The following INPP4B variants were observed in gnomAD, a reference collection of about 807,000 sequenced individuals.
The protein encoded by INPP4B is inositol polyphosphate-4-phosphatase type II B.
INPP4B carries 55 observed loss-of-function variants against 122.5 expected under a neutral mutation model. The observed-to-expected ratio is 0.45, with a 90% CI of 0.36 to 0.56. The LOEUF is 0.56. Among genes scored for constraint, INPP4B ranks in the 20% least tolerant of loss-of-function variants. The pLI is 0.00. For synonymous variants in INPP4B, 403 were observed against 388.7 expected (o/e 1.04, Z -0.43); for missense variants, 1,000 against 1,097.7 (o/e 0.91, Z 1.26).
chr4:142,759,592 C>A (rs78575771), intron 1 of INPP4B, among the ~76,000 whole-genome samples: 1 of 151,960 alleles, frequency 6.6e-6, no homozygotes, highest in African/African-American at 2.4e-5. Context: ...TGCCTAATAA[C>A]AATTTTTGTA....
intron 10 of INPP4B, 149 bp downstream of exon 10, chr4:142,270,514 C>T (rs148233913): frequency 1.6e-6 from 1 of 635,818 alleles, no homozygotes; most frequent in East Asian, 2.7e-5. Flanking sequence ...GGCTGAAACA[C>T]ACATATTGTA....
chr4:142,593,279 G>A (rs1215156976), intron 2 of INPP4B, among the ~76,000 whole-genome samples: 1 of 151,764 alleles, frequency 6.6e-6, no homozygotes, highest in East Asian at 1.9e-4. Context: ...AGATTAGAAG[G>A]GATTATTTCA....
rs1314561584 is a variant in INPP4B, at chr4:142,048,438, C to A, written c.2643-19524G>T. Among the ~76,000 whole-genome samples, 4 of 151,922 alleles carry A rather than the reference C, an allele frequency of 2.6e-5. No homozygotes were observed. The East Asian group carries it at 5.8e-4, about 22-fold the overall frequency. On this transcript the variant is annotated intron_variant, in intron 25 of 25. Coordinates refer to ENST00000262992, the MANE Select transcript of INPP4B (RefSeq NM_001101669.3). The stretch of plus-strand genomic sequence containing the variant: ...AGGCTTAGGGTGACTTGTGATGTCC[C>A]CAGTTCATACCTATTGTCCCAGAAG...
At chr4:142,036,352 T>A (rs1232204913) in intron 25 of INPP4B, among the ~76,000 whole-genome samples, 2 of 152,114 alleles carry the variant, frequency 1.3e-5, no homozygotes. Flanking sequence ...CAATCAATCA[T>A]CATAGTATAA....
At chr4:142,257,160 T>G (rs1202201494) in intron 11 of INPP4B, among the ~76,000 whole-genome samples, 1 of 152,148 alleles carries the variant, frequency 6.6e-6, no homozygotes. Flanking sequence ...CAACAACCCT[T>G]CATGCTAAAA....
At chr4:142,403,164 G>A in intron 6 of INPP4B, 110 bp from the exon 7 acceptor site, 1 of 711,322 alleles carries the variant, frequency 1.4e-6, no homozygotes, top group Non-Finnish European at 2.5e-6. Flanking sequence ...TGTTTTTCAA[G>A]GAAATAGTTC....
At chr4:142,340,481 C>T (rs1185864852) in intron 7 of INPP4B, among the ~76,000 whole-genome samples, 1 of 152,124 alleles carries the variant, frequency 6.6e-6, no homozygotes, top group Admixed American at 6.5e-5. Flanking sequence ...AATCATGGCT[C>T]ATTTTTGCCT....
At chr4:142,655,265 A>G (rs1255244172) in intron 2 of INPP4B, among the ~76,000 whole-genome samples, 1 of 152,162 alleles carries the variant, frequency 6.6e-6, no homozygotes, top group Non-Finnish European at 1.5e-5. Flanking sequence ...CCAGTAGGTG[A>G]GCTCCATTGT....
At chr4:142,223,394 A>G (rs1850207952) in intron 12 of INPP4B, among the ~76,000 whole-genome samples, 1 of 152,188 alleles carries the variant, frequency 6.6e-6, no homozygotes, top group South Asian at 2.1e-4. Context: ...ATATATTTTG[A>G]GTGAGGTTTA....
chr4:142,410,846 A>T (rs770518973), intron 5 of INPP4B, among the ~76,000 whole-genome samples: 9 of 152,238 alleles, frequency 5.9e-5, no homozygotes, highest in Non-Finnish European at 1.3e-4. Flanking sequence ...TTAACACAAA[A>T]AATGGATTTT....
intron 2 of INPP4B, among the ~76,000 whole-genome samples, chr4:142,547,597 C>A (rs1427151897): frequency 6.6e-6 from 1 of 152,052 alleles, no homozygotes; most frequent in Admixed American, 6.6e-5. Context: ...AGTTTATGCC[C>A]CATTTTATGT....
intron 7 of INPP4B, among the ~76,000 whole-genome samples, chr4:142,323,566 C>T (rs1372081418): frequency 6.6e-6 from 1 of 151,606 alleles, no homozygotes; most frequent in African/African-American, 2.4e-5. Flanking sequence ...TTGCCTCAGC[C>T]TCCCCAGTAG....
At chr4:142,384,279 A>C (rs1012352984) in intron 7 of INPP4B, among the ~76,000 whole-genome samples, 3 of 152,232 alleles carry the variant, frequency 2.0e-5, no homozygotes, top group African/African-American at 7.2e-5. Context: ...ATTCCAATGA[A>C]TTACAGTCAT....
chr4:142,727,507 T>C (rs2150866487), intron 1 of INPP4B, among the ~76,000 whole-genome samples: 1 of 152,256 alleles, frequency 6.6e-6, no homozygotes, highest in African/African-American at 2.4e-5. Flanking sequence ...CATTATTAGA[T>C]AATACATAGA....
At chr4:142,076,717 T>C (rs937030231) in intron 25 of INPP4B, among the ~76,000 whole-genome samples, 1 of 152,070 alleles carries the variant, frequency 6.6e-6, no homozygotes, top group African/African-American at 2.4e-5. Flanking sequence ...GTTGTGCACA[T>C]GTACCCTAAA....
At chr4:142,062,461 G>T (rs924388967) in intron 25 of INPP4B, among the ~76,000 whole-genome samples, 110 of 152,168 alleles carry the variant, frequency 7.2e-4, no homozygotes, top group African/African-American at 2.6e-3. Flanking sequence ...GGCTGGGTGT[G>T]GTGGCTCATG....
At chr4:142,796,252 G>A (rs933039692) in intron 1 of INPP4B, among the ~76,000 whole-genome samples, 1 of 151,896 alleles carries the variant, frequency 6.6e-6, no homozygotes, top group Non-Finnish European at 1.5e-5. Flanking sequence ...ATTCTTGTTC[G>A]ATTTGAAGGG....
At chr4:142,300,342 G>A (rs748010354) in intron 9 of INPP4B, among the ~76,000 whole-genome samples, 30 of 152,096 alleles carry the variant, frequency 2.0e-4, no homozygotes, top group Non-Finnish European at 3.5e-4. Context: ...TTAAGAATGC[G>A]CCTTTGGAAG....
chr4:142,185,411 T>C (rs185554279), intron 15 of INPP4B, among the ~76,000 whole-genome samples: 2,036 of 151,590 alleles, frequency 0.013, 185 homozygotes, highest in Admixed American at 0.13. Flanking sequence ...TATATATATA[T>C]ATATATATCT....
Sources: gnomAD v4.1 joint callset for allele counts (sites outside exome capture counted in the v4.1 genomes callset) on GRCh38, gnomAD v4.1.1 for gene constraint, MANE v1.5 for transcripts, NCBI Gene and HGNC (gene_info 2026-07-23, HGNC 2026-07-21) for gene names.